The following PLAGL1 variants were observed in gnomAD, a reference collection of about 807,000 sequenced individuals.
The protein encoded by PLAGL1 is zinc finger protein PLAGL1.
A neutral mutation model predicts 4.6 loss-of-function variants in PLAGL1; 1 was observed. The observed-to-expected ratio is 0.22, with a 90% CI of 0.08 to 1.03. The LOEUF is 1.03. Ranked by LOEUF, PLAGL1 falls within the 50% of genes least tolerant of loss-of-function variation. The pLI, the probability that PLAGL1 is intolerant of heterozygous loss-of-function variation, is 0.58. For synonymous variants in PLAGL1, 240 were observed against 237.8 expected (o/e 1.01, Z -0.08); for missense variants, 464 against 570.4 (o/e 0.81, Z 1.90).
intron 7 of PLAGL1, among the ~76,000 whole-genome samples, chr6:143,946,357 G>A (rs1243511544): frequency 6.6e-6 from 1 of 152,138 alleles, no homozygotes; most frequent in Non-Finnish European, 1.5e-5. Context: ...TCCTCACTGT[G>A]ACTCAGTTGC....
chr6:144,058,458 C>T (rs1487371609), intron 1 of PLAGL1, among the ~76,000 whole-genome samples: 2 of 152,192 alleles, frequency 1.3e-5, no homozygotes, highest in African/African-American at 4.8e-5. Flanking sequence ...CCCCCCAAAT[C>T]TCATGTCCTT....
At position 143,973,168 on chromosome 6, in the gene PLAGL1, G is replaced by A. The variant is rs1176887281; in HGVS notation, c.-543-4190C>T. On this transcript the variant is annotated intron_variant, in intron 2 of 7. Transcript: ENST00000674357. This position sits in a 1 kb window ranked among gnomAD's most constrained non-coding sequence, Gnocchi z 6.2. ...GGCTTCACAAAGCTAGTTAGGCAGA[G>A]CCATTCATTCCTTCAGGAAAACAGG... 1.3e-5 allele frequency among the ~76,000 whole-genome samples: 2 copies of A among 152,194 alleles called. No individual in the cohort carries two copies. Among genetic ancestry groups the A allele is most frequent in the East Asian group, 3.8e-4 (2 of 5,198 alleles).
Position 143,942,198 on chromosome 6 carries a change from G to T in PLAGL1, c.618C>A (p.Thr206=), listed in dbSNP as rs547586757. The change falls in exon 8 of 8, where the codon ACC becomes ACA. Residue 206 remains threonine (T), a synonymous_variant. Transcript: ENST00000674357. The surrounding 1 kb of genome is among the most constrained non-coding windows in gnomAD (Gnocchi z 7.6). ...TCTCTTTCATCAGCTCCTGTGAGTGGGTCTTCTTGGTATGCCGGGTGAGGT... is the reference window on the plus strand; with the variant it reads ...TCTCTTTCATCAGCTCCTGTGAGTGTGTCTTCTTGGTATGCCGGGTGAGGT... ...KDHLTRHTKK[T]HSQELMKESL... is the part of the protein sequence containing the mutation. 4.9e-5 allele frequency: 79 copies of T among 1,614,168 alleles called. No homozygotes were observed. In the East Asian group the frequency reaches 9.6e-4, roughly 20 times the overall value.
intron 2 of PLAGL1, among the ~76,000 whole-genome samples, chr6:143,980,385 C>G (rs1291935996): frequency 8.2e-6 from 1 of 121,866 alleles, no homozygotes; most frequent in Admixed American, 8.3e-5. Flanking sequence ...TCACTTTTTT[C>G]TAGTTTTTTT....
chr6:143,994,340 A>G lies in PLAGL1; in HGVS notation c.-583-9166T>C, dbSNP rs1791187465. ...ACTTCACAGTGCATGGGATGTCCAC[A>G]TGTTCTGCACTGTGTCATCTGAGAA... On this transcript the variant is annotated intron_variant, in intron 1 of 7. Transcript: ENST00000674357. The surrounding 1 kb of genome is among the most constrained non-coding windows in gnomAD (Gnocchi z 4.3). Among the ~76,000 whole-genome samples, 1 of 152,234 alleles carries G rather than the reference A, an allele frequency of 6.6e-6. No individual in the cohort carries two copies. Among genetic ancestry groups the G allele is most frequent in the Admixed American group, 6.5e-5 (1 of 15,282 alleles).
intron 1 of PLAGL1, among the ~76,000 whole-genome samples, chr6:144,054,590 G>T (rs1347707357): frequency 1.3e-5 from 2 of 152,154 alleles, no homozygotes; most frequent in African/African-American, 4.8e-5. Flanking sequence ...ACACACTGTG[G>T]CCTGTCAGGG....
rs570094834 is a variant in PLAGL1 at position 143,975,043 on chromosome 6, C to T, written c.-543-6065G>A. Among the ~76,000 whole-genome samples, 1 of 152,294 alleles carries T rather than the reference C, an allele frequency of 6.6e-6. No individual in the cohort carries two copies. Among genetic ancestry groups the T allele is most frequent in the South Asian group, 2.1e-4 (1 of 4,822 alleles). On this transcript the variant is annotated intron_variant, in intron 2 of 7. Transcript: ENST00000674357. This position sits in a 1 kb window ranked among gnomAD's most constrained non-coding sequence, Gnocchi z 5.8. ...ACCTGAGAGAGATGGTTTTATTAAT[C>T]TATTTTTGAATGAGGAGATAATAGG...
chr6:143,965,062 T>C lies in PLAGL1; in HGVS notation c.-430-244A>G, dbSNP rs185914260. Reference sequence around the variant, plus strand: ...GCTGATTTCCATAAGATGGAAATGATTGCATGCTGGAAACTGAGATGCTTT... The same window carrying C: ...GCTGATTTCCATAAGATGGAAATGACTGCATGCTGGAAACTGAGATGCTTT... On this transcript the variant is annotated intron_variant, in intron 4 of 7. Transcript: ENST00000674357. This position sits in a 1 kb window ranked among gnomAD's most constrained non-coding sequence, Gnocchi z 7.5. 256 of 152,306 alleles carry C rather than the reference T, an allele frequency of 1.7e-3. No individual in the cohort carries two copies. Among genetic ancestry groups the C allele is most frequent in the African/African-American group, 6.1e-3 (252 of 41,546 alleles). The allele number at this position is 152,306 out of a possible 1,614,324, so 9.4% of individuals were successfully genotyped here. A position where few individuals can be genotyped will look rare whatever the true frequency, so the allele number is the denominator to read the frequency against.
rs1379695030 is a variant in PLAGL1 at position 143,955,187 on chromosome 6, A to G, written c.-325+5282T>C. 6.6e-6 allele frequency among the ~76,000 whole-genome samples: 1 copy of G among 152,192 alleles called. No homozygotes were observed. Among genetic ancestry groups the G allele is most frequent in the African/African-American group, 2.4e-5 (1 of 41,438 alleles). On this transcript the variant is annotated intron_variant, in intron 6 of 7. Coordinates refer to ENST00000674357, the MANE Select transcript of PLAGL1 (RefSeq NM_001317162.2). This position sits in a 1 kb window ranked among gnomAD's most constrained non-coding sequence, Gnocchi z 4.9. ...CATCTCTTGCTTGGGAGATCAAGAA[A>G]GGTGTCACAGAGAAGTAAAAGTTGA...
At chr6:144,009,262 ATGT>A (rs1398333228), upstream of PLAGL1, among the ~76,000 whole-genome samples, 5 of 152,290 alleles carry the variant, frequency 3.3e-5, no homozygotes, top group South Asian at 4.1e-4. Flanking sequence ...ATTTTTCCAG[ATGT>A]TGTCTTAATT....
At chr6:144,060,648 A>C (rs1799318177) in intron 1 of PLAGL1, among the ~76,000 whole-genome samples, 1 of 152,200 alleles carries the variant, frequency 6.6e-6, no homozygotes, top group African/African-American at 2.4e-5. Flanking sequence ...TATTCTCCAA[A>C]GCATTCTTTA....
rs1789817921 is a variant in PLAGL1 at position 143,989,042 on chromosome 6, G to A, written c.-583-3868C>T. Among the ~76,000 whole-genome samples, 1 of 152,180 alleles carries A rather than the reference G, an allele frequency of 6.6e-6. No homozygotes were observed. The highest frequency in any genetic ancestry group is 1.5e-5 in the Non-Finnish European group (1 of 68,036). On this transcript the variant is annotated intron_variant, in intron 1 of 7. Coordinates refer to ENST00000674357, the MANE Select transcript of PLAGL1 (RefSeq NM_001317162.2). The surrounding 1 kb of genome is among the most constrained non-coding windows in gnomAD (Gnocchi z 4.8). ...AATCTCACACCAAAAATAACAGAGG[G>A]AGAAAAATTCAGAGTAGACCACTCA... is the stretch of plus-strand genomic sequence containing the variant.
In PLAGL1 at chr6:143,942,098, G is replaced by A. The variant is rs1455484412; in HGVS notation, c.718C>T (p.Pro240Ser). ...PSFQLKAAAL[P>S]PFPLGASAQN... Reference sequence around the variant, plus strand: ...GCAGAAGCTCCTAAAGGGAAAGGAGGCAAGGCAGCAGCCTTCAGTTGGAAT... The same window carrying A: ...GCAGAAGCTCCTAAAGGGAAAGGAGACAAGGCAGCAGCCTTCAGTTGGAAT... Residue 240 changes from proline to serine, a missense_variant, in exon 8 of 8, where the codon CCT (proline) becomes TCT (serine). This residue lies in a region of PLAGL1 where 248 missense variants were observed against 250.1 expected (regional missense o/e 0.99). Coordinates refer to ENST00000674357, the MANE Select transcript of PLAGL1 (RefSeq NM_001317162.2). The surrounding 1 kb of genome is among the most constrained non-coding windows in gnomAD (Gnocchi z 7.6). 6.2e-7 allele frequency: 1 copy of A among 1,613,980 alleles called. No individual in the cohort carries two copies. The highest frequency in any genetic ancestry group is 2.2e-5 in the East Asian group (1 of 44,888).
At chr6:143,976,083 T>C (rs1786454711) in intron 2 of PLAGL1, among the ~76,000 whole-genome samples, 3 of 152,108 alleles carry the variant, frequency 2.0e-5, no homozygotes. Flanking sequence ...TGTCTCATTT[T>C]TTCATGACAC....
chr6:143,971,095 C>G lies in PLAGL1; in HGVS notation c.-543-2117G>C, dbSNP rs1785327462. Among the ~76,000 whole-genome samples the G allele has an allele frequency of 6.8e-6, 1 of 146,054 alleles. No homozygotes were observed. Among genetic ancestry groups the G allele is most frequent in the South Asian group, 2.2e-4 (1 of 4,616 alleles). On this transcript the variant is annotated intron_variant, in intron 2 of 7. Transcript: ENST00000674357. This position sits in a 1 kb window ranked among gnomAD's most constrained non-coding sequence, Gnocchi z 4.7. Reference sequence around the variant, plus strand: ...TGAAATCTAAGTGCTATGCTTAATGCTTTTTTTTTTTATCTTCAAGTTAAT... The same window carrying G: ...TGAAATCTAAGTGCTATGCTTAATGGTTTTTTTTTTTATCTTCAAGTTAAT...
chr6:143,991,576 G>A (rs1438318147), intron 1 of PLAGL1, among the ~76,000 whole-genome samples: 4 of 152,198 alleles, frequency 2.6e-5, no homozygotes, highest in Non-Finnish European at 5.9e-5. Flanking sequence ...CTTAACCCAG[G>A]TGAGTGGAGC....
intron 1 of PLAGL1, among the ~76,000 whole-genome samples, chr6:143,991,225 A>G (rs1790406903): frequency 1.3e-5 from 2 of 152,224 alleles, no homozygotes; most frequent in African/African-American, 4.8e-5. Flanking sequence ...TATGATGAGG[A>G]TTTTAATTTA....
rs1035950001 is a variant in PLAGL1 at position 143,953,951 on chromosome 6, C to T, written c.-324-5491G>A. Among the ~76,000 whole-genome samples the T allele has an allele frequency of 2.0e-5, 3 of 152,162 alleles. No homozygotes were observed. Among genetic ancestry groups the T allele is most frequent in the Non-Finnish European group, 4.4e-5 (3 of 68,028 alleles). Reference sequence around the variant, plus strand: ...CTGATGCCTGCAGTGGGGTGCCTGCCCTTCCTTCCCCTAGCACAAGTGCTC... The same window carrying T: ...CTGATGCCTGCAGTGGGGTGCCTGCTCTTCCTTCCCCTAGCACAAGTGCTC... On this transcript the variant is annotated intron_variant, in intron 6 of 7. Transcript: ENST00000674357. The surrounding 1 kb of genome is among the most constrained non-coding windows in gnomAD (Gnocchi z 5.3).
At chr6:144,058,798 G>T (rs1480284881) in intron 1 of PLAGL1, among the ~76,000 whole-genome samples, 1 of 152,202 alleles carries the variant, frequency 6.6e-6, no homozygotes, top group African/African-American at 2.4e-5. Context: ...TGGGTACAAG[G>T]AGTAGACCCC....
Sources: allele counts gnomAD v4.1 joint callset (sites outside exome capture counted in the v4.1 genomes callset), GRCh38; gene constraint gnomAD v4.1.1; regional missense constraint gnomAD v4.1.1; non-coding constraint Gnocchi (gnomAD v3.1); transcripts MANE v1.5; gene names NCBI Gene and HGNC (gene_info 2026-07-23, HGNC 2026-07-21).